CADM1: variants seen among roughly 807,000 people sequenced by gnomAD.
The protein encoded by CADM1 is TSLC-1.
A neutral mutation model predicts 53.1 loss-of-function variants in CADM1; 15 were observed. The ratio of observed to expected loss-of-function variants is 0.28; its 90% CI spans 0.19 to 0.44. The LOEUF (loss-of-function observed/expected upper bound fraction) is 0.44. Among genes scored for constraint, CADM1 ranks in the 20% least tolerant of loss-of-function variants. CADM1 has a pLI of 1.00. For synonymous variants in CADM1, 281 were observed against 243.0 expected, an observed-to-expected ratio of 1.16 and a Z score of -1.45; for missense variants, 434 against 611.3, an observed-to-expected ratio of 0.71 and a Z score of 3.06.
intron 1 of CADM1, among the ~76,000 whole-genome samples, chr11:115,281,149 C>T (rs1943573509): frequency 6.6e-6 from 1 of 152,184 alleles, no homozygotes; most frequent in South Asian, 2.1e-4. Flanking sequence ...AAGAACCACA[C>T]TGTATCTTTT....
intron 1 of CADM1, among the ~76,000 whole-genome samples, chr11:115,463,851 C>CTTTTTT: frequency 8.9e-6 from 1 of 112,980 alleles, no homozygotes; most frequent in Non-Finnish European, 1.8e-5. Context: ...AAACAAAAAG[C>CTTTTTT]TTTTTTTTTT....
chr11:115,223,446 G>A (rs1941479390), intron 5 of CADM1, among the ~76,000 whole-genome samples: 1 of 152,178 alleles, frequency 6.6e-6, no homozygotes, highest in African/African-American at 2.4e-5. Flanking sequence ...ATTAAGTGAA[G>A]TATGTGCATT....
In CADM1 at chr11:115,175,017, A is replaced by G; in HGVS notation, c.*1457T>C. 2.0e-6 allele frequency: 2 copies of G among 985,884 alleles called. No homozygotes were observed. The highest frequency in any genetic ancestry group is 2.4e-6 in the Non-Finnish European group (2 of 829,940). The allele number at this position is 985,884 out of a possible 1,614,324, so 61.1% of individuals were successfully genotyped here. A position where few individuals can be genotyped will look rare whatever the true frequency, so the allele number is the denominator to read the frequency against. On this transcript the variant is annotated 3_prime_UTR_variant, in exon 12 of 12. Coordinates refer to ENST00000331581, the MANE Select transcript of CADM1 (RefSeq NM_001301043.2). ...TTAGTAGCTATGCACTATGGCTGCC[A>G]TCATGCGAGGATCAGTAATTTTTGG...
At chr11:115,258,477 A>G (rs970116119) in intron 1 of CADM1, among the ~76,000 whole-genome samples, 1 of 152,224 alleles carries the variant, frequency 6.6e-6, no homozygotes, top group African/African-American at 2.4e-5. Flanking sequence ...AACAGGTCAA[A>G]GAGGGAACTC....
chr11:115,205,945 T>C (rs1224200554), intron 8 of CADM1, among the ~76,000 whole-genome samples: 1 of 152,196 alleles, frequency 6.6e-6, no homozygotes, highest in Non-Finnish European at 1.5e-5. Flanking sequence ...TGGGGCTATG[T>C]CCCAATCAAC....
chr11:115,413,644 CTT>C (rs71066424), intron 1 of CADM1, among the ~76,000 whole-genome samples: 4 of 120,898 alleles, frequency 3.3e-5, no homozygotes, highest in Admixed American at 8.2e-5. Context: ...CAGCTCAGTT[CTT>C]TTTTTTTTTT....
At chr11:115,333,001 T>TCCTCA in intron 1 of CADM1, among the ~76,000 whole-genome samples, 1 of 152,180 alleles carries the variant, frequency 6.6e-6, no homozygotes, top group East Asian at 1.9e-4. Context: ...TGCGAGGTCC[T>TCCTCA]CCTCACCTCA....
intron 1 of CADM1, among the ~76,000 whole-genome samples, chr11:115,258,168 C>T (rs560338520): frequency 6.6e-6 from 1 of 152,124 alleles, no homozygotes; most frequent in African/African-American, 2.4e-5. Context: ...ATGGCCAGAT[C>T]GTGTCCTTTC....
At chr11:115,228,455 A>G (rs940042872) in intron 5 of CADM1, among the ~76,000 whole-genome samples, 3 of 152,222 alleles carry the variant, frequency 2.0e-5, no homozygotes, top group African/African-American at 7.2e-5. Flanking sequence ...CCAAATACAA[A>G]GTGAGAAGCT....
At position 115,176,461 on chromosome 11, in the gene CADM1, C is replaced by T. The variant is rs376057380; in HGVS notation, c.*13G>A. 2.0e-5 allele frequency: 33 copies of T among 1,613,552 alleles called. 1 individual carries two copies. In the African/African-American group the frequency reaches 3.5e-4, roughly 17 times the overall value. On this transcript the variant is annotated 3_prime_UTR_variant, in exon 12 of 12. Transcript: ENST00000331581. ...GGGCCAGTTGGACACCTCATTGAAA[C>T]AAAAAGGCTGATCTAGATGAAGTAC... is the stretch of plus-strand genomic sequence containing the variant.
intron 1 of CADM1, among the ~76,000 whole-genome samples, chr11:115,490,780 T>C (rs544155054): frequency 3.3e-4 from 50 of 152,200 alleles, no homozygotes; most frequent in Non-Finnish European, 6.8e-4. Flanking sequence ...GTTTTGAACA[T>C]AGATATAGTT....
At chr11:115,391,624 T>C (rs1302832705) in intron 1 of CADM1, among the ~76,000 whole-genome samples, 1 of 152,202 alleles carries the variant, frequency 6.6e-6, no homozygotes, top group Non-Finnish European at 1.5e-5. Context: ...AAATGTTTTT[T>C]CCTTTTTCCC....
At chr11:115,254,573 CACACACACACACACACACACAG>C (rs1193446016) in intron 1 of CADM1, among the ~76,000 whole-genome samples, 4 of 148,866 alleles carry the variant, frequency 2.7e-5, no homozygotes, top group African/African-American at 7.5e-5. Context: ...CACACACACA[CACACACACACACACACACACAG>C]AGACAACAAA....
At chr11:115,358,602 G>A (rs1945941233) in intron 1 of CADM1, among the ~76,000 whole-genome samples, 1 of 152,180 alleles carries the variant, frequency 6.6e-6, no homozygotes, top group Admixed American at 6.5e-5. Context: ...AGATTTGGGT[G>A]TGGACACAGC....
intron 10 of CADM1, 149 bp from the exon 11 acceptor site, chr11:115,178,924 G>A: frequency 1.2e-6 from 1 of 836,160 alleles, no homozygotes; most frequent in South Asian, 1.4e-5. Flanking sequence ...TTACACTGAG[G>A]TAACAGGCTG....
At chr11:115,179,446 A>G (rs947634991) in intron 10 of CADM1, among the ~76,000 whole-genome samples, 1 of 152,210 alleles carries the variant, frequency 6.6e-6, no homozygotes, top group African/African-American at 2.4e-5. Flanking sequence ...TTGCAATGCA[A>G]TTAATTTTCC....
intron 1 of CADM1, among the ~76,000 whole-genome samples, chr11:115,276,821 T>C (rs912074542): frequency 1.3e-5 from 2 of 152,196 alleles, no homozygotes; most frequent in East Asian, 3.8e-4. Flanking sequence ...CAATCATCTC[T>C]ACACTAAGCC....
At chr11:115,503,857 G>C (rs1949790710) in intron 1 of CADM1, among the ~76,000 whole-genome samples, 1 of 152,100 alleles carries the variant, frequency 6.6e-6, no homozygotes. Context: ...AGGTGGGGGC[G>C]AATGGACAGC....
intron 10 of CADM1, among the ~76,000 whole-genome samples, chr11:115,183,525 C>T (rs1355051293): frequency 6.6e-6 from 1 of 152,224 alleles, no homozygotes; most frequent in Admixed American, 6.5e-5. Flanking sequence ...AGAACCTTCA[C>T]TGCAACTGCT....
Sources: gnomAD v4.1 joint callset for allele counts (sites outside exome capture counted in the v4.1 genomes callset) on GRCh38, gnomAD v4.1.1 for gene constraint, MANE v1.5 for transcripts, NCBI Gene and HGNC (gene_info 2026-07-23, HGNC 2026-07-21) for gene names.